The following HS3ST4 variants were observed in gnomAD, a reference collection of about 807,000 sequenced individuals.
HS3ST4 encodes heparan sulfate-glucosamine 3-sulfotransferase 4.
HS3ST4 carries 17 observed loss-of-function variants against 29.2 expected under a neutral mutation model. The observed-to-expected ratio is 0.58, with a 90% CI of 0.40 to 0.87. The LOEUF (loss-of-function observed/expected upper bound fraction) is 0.87. HS3ST4 is among the 40% of genes least tolerant of loss of function. The pLI is 0.00. For missense variants in HS3ST4, 627 were observed against 634.5 expected, an observed-to-expected ratio of 0.99 and a Z score of 0.13; for synonymous variants, 314 against 285.7, an observed-to-expected ratio of 1.10 and a Z score of -1.00.
chr16:25,998,045 G>A (rs1172103014), intron 1 of HS3ST4, among the ~76,000 whole-genome samples: 2 of 152,128 alleles, frequency 1.3e-5, no homozygotes, highest in Non-Finnish European at 2.9e-5. Context: ...AGACTAGCCT[G>A]GGCAACATAG....
chr16:26,003,417 A>G (rs1969229644), intron 1 of HS3ST4, among the ~76,000 whole-genome samples: 1 of 152,112 alleles, frequency 6.6e-6, no homozygotes, highest in Non-Finnish European at 1.5e-5. Flanking sequence ...AGTTCCAGGG[A>G]TGGTTGGATC....
chr16:25,959,861 G>A (rs181122612), intron 1 of HS3ST4, among the ~76,000 whole-genome samples: 3 of 152,218 alleles, frequency 2.0e-5, no homozygotes, highest in East Asian at 1.9e-4. Context: ...GGGGTCGGGC[G>A]CAGTGGCTCA....
chr16:25,805,513 G>A (rs920748072), intron 1 of HS3ST4, among the ~76,000 whole-genome samples: 2 of 151,856 alleles, frequency 1.3e-5, no homozygotes, highest in Non-Finnish European at 2.9e-5. Flanking sequence ...AATTTGATTG[G>A]TTCTGACAAA....
chr16:26,017,965 G>A (rs1457362199), intron 1 of HS3ST4, among the ~76,000 whole-genome samples: 2 of 152,174 alleles, frequency 1.3e-5, no homozygotes, highest in Non-Finnish European at 2.9e-5. Context: ...ACAGCAACAG[G>A]ATTCTAGAAT....
chr16:25,834,925 C>T (rs141173778), intron 1 of HS3ST4, among the ~76,000 whole-genome samples: 17,764 of 151,946 alleles, frequency 0.12, 1,182 homozygotes, highest in South Asian at 0.25. Context: ...CCAGCCTGGG[C>T]GACAGAGTGA....
intron 1 of HS3ST4, among the ~76,000 whole-genome samples, chr16:25,858,080 G>A (rs554106389): frequency 1.1e-4 from 13 of 116,004 alleles, no homozygotes; most frequent in South Asian, 2.9e-4. Context: ...TCTCTCTCTC[G>A]CTTTTTTCTT....
rs149555662 is a variant in HS3ST4 at position 25,782,105 on chromosome 16, G to A, written c.734+88954G>A. On this transcript the variant is annotated intron_variant, in intron 1 of 1. Transcript: ENST00000331351. ...AAGCAAGACACCTTCTTCACAAGGC[G>A]GCAGGAAGGAGAAGTGTGTGAGAGC... Among the ~76,000 whole-genome samples the A allele has an allele frequency of 7.2e-4, 109 of 152,206 alleles. 1 individual carries two copies. The highest frequency in any genetic ancestry group is 1.2e-3 in the Non-Finnish European group (85 of 68,014).
intron 1 of HS3ST4, among the ~76,000 whole-genome samples, chr16:25,946,313 G>A (rs1470616158): frequency 1.3e-5 from 2 of 152,188 alleles, no homozygotes; most frequent in Non-Finnish European, 2.9e-5. Flanking sequence ...TTTCCTGGTG[G>A]ATAATAACAG....
intron 1 of HS3ST4, among the ~76,000 whole-genome samples, chr16:25,965,638 T>C (rs928575692): frequency 2.6e-5 from 4 of 152,224 alleles, no homozygotes; most frequent in Middle Eastern, 3.2e-3. Context: ...CCATTCCTTT[T>C]TATCATTCGT....
chr16:26,118,397 C>T (rs1435284468), intron 1 of HS3ST4, among the ~76,000 whole-genome samples: 2 of 152,112 alleles, frequency 1.3e-5, no homozygotes, highest in African/African-American at 4.8e-5. Context: ...CTAGAGATGA[C>T]TTTTAAGTTG....
intron 1 of HS3ST4, among the ~76,000 whole-genome samples, chr16:26,010,506 A>G (rs967394464): frequency 6.6e-6 from 1 of 152,176 alleles, no homozygotes; most frequent in Admixed American, 6.5e-5. Flanking sequence ...TAATTTTTAA[A>G]TACATTTTTG....
At chr16:25,985,874 G>A (rs912519984) in intron 1 of HS3ST4, among the ~76,000 whole-genome samples, 2 of 152,016 alleles carry the variant, frequency 1.3e-5, no homozygotes, top group African/African-American at 2.4e-5. Flanking sequence ...TTGTAGAAAC[G>A]GAGTCTCACT....
At chr16:25,730,640 C>T (rs1041540094) in intron 1 of HS3ST4, among the ~76,000 whole-genome samples, 25 of 144,406 alleles carry the variant, frequency 1.7e-4, no homozygotes, top group African/African-American at 5.7e-4. Context: ...TCCTTCCCTC[C>T]CTCCGTCCTT....
intron 1 of HS3ST4, among the ~76,000 whole-genome samples, chr16:26,086,048 T>A (rs60986003): frequency 6.6e-6 from 1 of 152,076 alleles, no homozygotes; most frequent in African/African-American, 2.4e-5. Context: ...AGTAATGGGA[T>A]GTACTGTCAT....
chr16:25,826,560 A>G (rs1357505169), intron 1 of HS3ST4, among the ~76,000 whole-genome samples: 1 of 152,184 alleles, frequency 6.6e-6, no homozygotes, highest in African/African-American at 2.4e-5. Flanking sequence ...GGATATTATC[A>G]AGGAAATTGC....
intron 1 of HS3ST4, among the ~76,000 whole-genome samples, chr16:26,071,768 G>A (rs1053384535): frequency 6.6e-5 from 10 of 152,072 alleles, no homozygotes; most frequent in African/African-American, 1.9e-4. Flanking sequence ...TGAAGGGAGC[G>A]CTCACTCTCA....
chr16:26,121,441 T>C (rs1899275860), intron 1 of HS3ST4, among the ~76,000 whole-genome samples: 2 of 152,200 alleles, frequency 1.3e-5, no homozygotes, highest in South Asian at 4.1e-4. Context: ...GAGTAGTGTC[T>C]TTATTGCTCT....
At chr16:25,875,592 T>C (rs1000041594) in intron 1 of HS3ST4, among the ~76,000 whole-genome samples, 3 of 152,148 alleles carry the variant, frequency 2.0e-5, no homozygotes, top group Non-Finnish European at 4.4e-5. Flanking sequence ...CCCCTTGATA[T>C]CTGTCACACC....
At chr16:25,913,880 G>T (rs1380157276) in intron 1 of HS3ST4, among the ~76,000 whole-genome samples, 2 of 148,910 alleles carry the variant, frequency 1.3e-5, no homozygotes, top group African/African-American at 2.5e-5. Flanking sequence ...TGTGTGTGGG[G>T]TATAGTATAT....
Sources: gnomAD v4.1 joint callset for allele counts (sites outside exome capture counted in the v4.1 genomes callset) on GRCh38, gnomAD v4.1.1 for gene constraint, MANE v1.5 for transcripts, NCBI Gene and HGNC (gene_info 2026-07-23, HGNC 2026-07-21) for gene names.